The following CFAP299 variants were observed in gnomAD, a reference collection of about 807,000 sequenced individuals.
The protein encoded by CFAP299 is cilia and flagella associated protein 299.
In CFAP299, 21 loss-of-function variants were observed where a neutral mutation model predicts 27.0. The observed-to-expected ratio is 0.78, with a 90% CI of 0.55 to 1.12. CFAP299 has a LOEUF of 1.12. Among genes scored for constraint, CFAP299 ranks in the 50% most tolerant of loss-of-function variants. CFAP299 has a pLI of 0.00. For synonymous variants in CFAP299, 104 were observed against 98.1 expected (o/e 1.06, Z -0.36); for missense variants, 310 against 276.6 (o/e 1.12, Z -0.86).
intron 2 of CFAP299, among the ~76,000 whole-genome samples, chr4:80,513,532 T>G (rs1732422026): frequency 6.6e-6 from 1 of 152,140 alleles, no homozygotes; most frequent in Non-Finnish European, 1.5e-5. Context: ...ATGCCAGAGT[T>G]TTGGTTACTA....
rs149955540 is a variant in CFAP299, at chr4:80,915,560, T to C, written c.477-29250T>C. 7.5e-4 allele frequency among the ~76,000 whole-genome samples: 114 copies of C among 152,166 alleles called. 1 individual carries two copies. In the East Asian group the frequency reaches 0.02, roughly 27 times the overall value. ...TATAGTTTTTATTAAATTTGAAAAA[T>C]TTTAAGACTTTATTTCTTCAAGCAT... On this transcript the variant is annotated intron_variant, in intron 4 of 5. Transcript: ENST00000358105.
chr4:80,391,034 TACAC>T lies in CFAP299; in HGVS notation c.242+28158_242+28161del, dbSNP rs36176974. Among the ~76,000 whole-genome samples the T allele has an allele frequency of 3.4e-3, 424 of 123,674 alleles. 8 individuals carry two copies. Among genetic ancestry groups the T allele is most frequent in the South Asian group, 0.027 (82 of 3,014 alleles). The allele number at this position is 123,674 out of a possible 152,430, so 81.1% of individuals were successfully genotyped here. A position where few individuals can be genotyped will look rare whatever the true frequency, so the allele number is the denominator to read the frequency against. ...ACACATGTATATATGTATATATGTATACACACACACATATATACACACATATATA... is the reference window on the plus strand; with the variant it reads ...ACACATGTATATATGTATATATGTATACACACATATATACACACATATATA... On this transcript the variant is annotated intron_variant, in intron 2 of 5. Coordinates refer to ENST00000358105, the MANE Select transcript of CFAP299 (RefSeq NM_152770.3).
chr4:80,796,639 C>T (rs1437405688), intron 3 of CFAP299, among the ~76,000 whole-genome samples: 1 of 152,130 alleles, frequency 6.6e-6, no homozygotes, highest in Non-Finnish European at 1.5e-5. Flanking sequence ...CTTGGTTAAG[C>T]TTATGGTAAT....
At chr4:80,652,939 A>G (rs1340514566) in intron 3 of CFAP299, among the ~76,000 whole-genome samples, 1 of 152,138 alleles carries the variant, frequency 6.6e-6, no homozygotes, top group Non-Finnish European at 1.5e-5. Context: ...CATGTTTTCC[A>G]CATAGGGAAT....
chr4:80,713,105 G>C (rs1560712849), intron 3 of CFAP299, among the ~76,000 whole-genome samples: 1 of 152,142 alleles, frequency 6.6e-6, no homozygotes, highest in African/African-American at 2.4e-5. Context: ...TAATAGACTG[G>C]AGATGAGAGG....
chr4:80,740,862 A>T (rs979262096), intron 3 of CFAP299, among the ~76,000 whole-genome samples: 5 of 151,896 alleles, frequency 3.3e-5, no homozygotes, highest in African/African-American at 1.2e-4. Flanking sequence ...GCCACCACCG[A>T]TGTTTACTTA....
intron 4 of CFAP299, among the ~76,000 whole-genome samples, chr4:80,907,627 G>A (rs920481562): frequency 4.6e-5 from 7 of 152,140 alleles, no homozygotes; most frequent in African/African-American, 1.7e-4. Flanking sequence ...GAATTGCAGA[G>A]TGAAGGAGGA....
At chr4:80,484,977 A>G (rs554388756) in intron 2 of CFAP299, among the ~76,000 whole-genome samples, 3 of 152,278 alleles carry the variant, frequency 2.0e-5, no homozygotes, top group South Asian at 2.1e-4. Flanking sequence ...TTGAAATTCT[A>G]TTGAACAATT....
At chr4:80,794,243 A>G (rs774598993) in intron 3 of CFAP299, among the ~76,000 whole-genome samples, 3 of 152,194 alleles carry the variant, frequency 2.0e-5, no homozygotes, top group African/African-American at 4.8e-5. Flanking sequence ...GTTTACTGGA[A>G]TCATTGTTGT....
At chr4:80,604,423 C>T (rs1737529509) in intron 3 of CFAP299, among the ~76,000 whole-genome samples, 1 of 152,108 alleles carries the variant, frequency 6.6e-6, no homozygotes, top group Admixed American at 6.5e-5. Context: ...GGCATCAGTC[C>T]AGTGCTCCGC....
intron 2 of CFAP299, among the ~76,000 whole-genome samples, chr4:80,566,982 A>T (rs1735329434): frequency 6.6e-6 from 1 of 151,438 alleles, no homozygotes; most frequent in African/African-American, 2.4e-5. Context: ...ACAATTTCTT[A>T]CGGAGAAGCC....
chr4:80,494,563 C>T (rs1283809713), intron 2 of CFAP299, among the ~76,000 whole-genome samples: 1 of 152,168 alleles, frequency 6.6e-6, no homozygotes, highest in Non-Finnish European at 1.5e-5. Context: ...GGTTCTTGCT[C>T]ACAACCCTCT....
At chr4:80,759,475 G>A (rs1408301087) in intron 3 of CFAP299, among the ~76,000 whole-genome samples, 2 of 152,074 alleles carry the variant, frequency 1.3e-5, no homozygotes, top group African/African-American at 4.8e-5. Context: ...TCATGGTTGT[G>A]CTTAAAAACC....
intron 2 of CFAP299, among the ~76,000 whole-genome samples, chr4:80,457,000 C>T (rs371538805): frequency 1.9e-4 from 26 of 137,298 alleles, no homozygotes; most frequent in South Asian, 4.6e-4. Context: ...TTTTTTTTAA[C>T]GCAGATGTTT....
intron 3 of CFAP299, among the ~76,000 whole-genome samples, chr4:80,623,620 GCATTACCCCTGT>G (rs970018151): frequency 2.6e-5 from 4 of 152,118 alleles, no homozygotes; most frequent in African/African-American, 9.7e-5. Context: ...GGACAGTTTT[GCATTACCCCTGT>G]CATTCCTCCA....
At chr4:80,797,228 T>C (rs1016308584) in intron 3 of CFAP299, among the ~76,000 whole-genome samples, 4 of 152,128 alleles carry the variant, frequency 2.6e-5, no homozygotes, top group African/African-American at 9.7e-5. Context: ...CAGCATAAAT[T>C]GTTGCTAGTG....
At chr4:80,910,755 G>A (rs184757101) in intron 4 of CFAP299, among the ~76,000 whole-genome samples, 7 of 151,876 alleles carry the variant, frequency 4.6e-5, no homozygotes, top group African/African-American at 9.7e-5. Flanking sequence ...ACAAACTCCC[G>A]TGACATTTAC....
intron 3 of CFAP299, among the ~76,000 whole-genome samples, chr4:80,768,218 C>T (rs1330881507): frequency 6.6e-6 from 1 of 152,162 alleles, no homozygotes; most frequent in Non-Finnish European, 1.5e-5. Context: ...TTGCAAAGCA[C>T]ATAGGATTTC....
chr4:80,430,745 A>C (rs964388267), intron 2 of CFAP299, among the ~76,000 whole-genome samples: 2 of 152,046 alleles, frequency 1.3e-5, no homozygotes, highest in African/African-American at 2.4e-5. Context: ...CATTCAGTAC[A>C]TGGCATCCCC....
Sources: allele counts gnomAD v4.1 joint callset (sites outside exome capture counted in the v4.1 genomes callset), GRCh38; gene constraint gnomAD v4.1.1; transcripts MANE v1.5; gene names NCBI Gene and HGNC (gene_info 2026-07-23, HGNC 2026-07-21).